The following PTPRK variants were observed in gnomAD, a reference collection of about 807,000 sequenced individuals.
PTPRK encodes receptor-type tyrosine-protein phosphatase kappa.
Under a neutral mutation model 178.0 loss-of-function variants are expected in PTPRK, and 75 were observed. The observed-to-expected ratio is 0.42, with a 90% CI of 0.35 to 0.51. The LOEUF is 0.51. Ranked by LOEUF, PTPRK falls within the 20% of genes least tolerant of loss-of-function variation. The pLI is 0.02. For synonymous variants in PTPRK, 637 were observed against 620.6 expected (o/e 1.03, Z -0.39); for missense variants, 1,441 against 1,797.8 (o/e 0.80, Z 3.59).
intron 3 of PTPRK, among the ~76,000 whole-genome samples, chr6:128,299,385 T>C (rs1484014147): frequency 6.6e-6 from 1 of 151,902 alleles, no homozygotes; most frequent in South Asian, 2.1e-4. Flanking sequence ...AAAGTTCATA[T>C]GGAATCAAAA....
chr6:128,396,795 C>A (rs543004327), intron 2 of PTPRK, among the ~76,000 whole-genome samples: 5 of 151,978 alleles, frequency 3.3e-5, no homozygotes, highest in Non-Finnish European at 5.9e-5. Context: ...GTCAGGAGTT[C>A]GAGACCAGCC....
At position 128,322,291 on chromosome 6, in the gene PTPRK, G is replaced by T; in HGVS notation, c.243C>A (p.Asp81Glu). The T allele has an allele frequency of 6.3e-7, 1 of 1,590,544 alleles. No homozygotes were observed. Among genetic ancestry groups the T allele is most frequent in the Non-Finnish European group, 8.6e-7 (1 of 1,158,872 alleles). ...EMPQGSYMIV[D>E]SSDHDPGEKA... Reference sequence around the variant, plus strand: ...TTTCTCCAGGGTCGTGATCTGAAGAGTCCACTATCATATAGGAACCTGAAA... The same window carrying T: ...TTTCTCCAGGGTCGTGATCTGAAGATTCCACTATCATATAGGAACCTGAAA... Residue 81 changes from aspartate to glutamate, a missense_variant, in exon 3 of 30, where the codon GAC becomes GAA. Transcript: ENST00000368226.
intron 7 of PTPRK, among the ~76,000 whole-genome samples, chr6:128,180,901 T>G (rs960925347): frequency 1.3e-5 from 2 of 152,066 alleles, no homozygotes; most frequent in Non-Finnish European, 2.9e-5. Context: ...ATGATAGGAA[T>G]AAGAGGAATA....
Position 128,182,466 on chromosome 6 carries a change from C to T in PTPRK, c.1162+1966G>A, listed in dbSNP as rs139014220. On this transcript the variant is annotated intron_variant, in intron 7 of 29. Transcript: ENST00000368226. ...GCGCATGCCTGTAATCCCAGCTACT[C>T]GGGAAGTTGAGACAGGAGAATTGCT... 3.5e-3 allele frequency among the ~76,000 whole-genome samples: 528 copies of T among 152,072 alleles called. 4 individuals are homozygous for T. The highest frequency in any genetic ancestry group is 0.012 in the African/African-American group (513 of 41,486).
intron 7 of PTPRK, among the ~76,000 whole-genome samples, chr6:128,125,383 G>T (rs1222307708): frequency 6.6e-6 from 1 of 151,932 alleles, no homozygotes; most frequent in Non-Finnish European, 1.5e-5. Flanking sequence ...CCCCCATCCT[G>T]CTCCTGCTCC....
intron 7 of PTPRK, among the ~76,000 whole-genome samples, chr6:128,109,756 T>C (rs1013968409): frequency 2.6e-5 from 4 of 152,292 alleles, no homozygotes; most frequent in African/African-American, 7.2e-5. Context: ...GTAACCTCTG[T>C]AGTAAAGCAA....
chr6:128,290,567 C>T (rs1159902449), intron 3 of PTPRK, among the ~76,000 whole-genome samples: 2 of 152,026 alleles, frequency 1.3e-5, no homozygotes, highest in South Asian at 2.1e-4. Flanking sequence ...AGAATACCTC[C>T]TCAGGCTTGG....
chr6:128,421,725 C>A (rs1263711271), intron 1 of PTPRK, among the ~76,000 whole-genome samples: 2 of 152,134 alleles, frequency 1.3e-5, no homozygotes, highest in Non-Finnish European at 2.9e-5. Flanking sequence ...GATCAGCATA[C>A]AAACAGCAGA....
At chr6:128,189,578 CAG>C (rs1172601350) in intron 6 of PTPRK, among the ~76,000 whole-genome samples, 2 of 152,024 alleles carry the variant, frequency 1.3e-5, no homozygotes, top group Non-Finnish European at 2.9e-5. Flanking sequence ...AAGGGAAAAA[CAG>C]AGATGATGAA....
chr6:128,157,804 CTGTT>C (rs1452031214), intron 7 of PTPRK, among the ~76,000 whole-genome samples: 2 of 151,824 alleles, frequency 1.3e-5, no homozygotes, highest in African/African-American at 4.8e-5. Context: ...TCTTGTAAAT[CTGTT>C]TAAGTTCTTT....
intron 1 of PTPRK, among the ~76,000 whole-genome samples, chr6:128,411,066 A>G (rs1842256772): frequency 1.3e-5 from 2 of 151,900 alleles, no homozygotes; most frequent in South Asian, 4.1e-4. Context: ...TAATTTTTGT[A>G]TTTTTTTGTA....
At chr6:128,481,309 T>A (rs757447446) in intron 1 of PTPRK, among the ~76,000 whole-genome samples, 5 of 152,192 alleles carry the variant, frequency 3.3e-5, no homozygotes, top group Non-Finnish European at 1.5e-5. Context: ...ATTGCCAAGA[T>A]TTAGAATATG....
intron 1 of PTPRK, among the ~76,000 whole-genome samples, chr6:128,433,973 T>C (rs1316914740): frequency 2.0e-5 from 3 of 151,696 alleles, no homozygotes; most frequent in African/African-American, 2.4e-5. Flanking sequence ...GATTTTGTAT[T>C]AAATCACCCC....
At chr6:128,299,943 A>G (rs1825274244) in intron 3 of PTPRK, among the ~76,000 whole-genome samples, 2 of 152,116 alleles carry the variant, frequency 1.3e-5, no homozygotes, top group South Asian at 2.1e-4. Context: ...GCAACCTACA[A>G]AATGGGAGAA....
At chr6:128,427,986 G>A (rs930064345) in intron 1 of PTPRK, among the ~76,000 whole-genome samples, 74 of 152,146 alleles carry the variant, frequency 4.9e-4, no homozygotes, top group African/African-American at 1.7e-3. Flanking sequence ...CCAGCTACTT[G>A]GGAGGCTGAG....
chr6:128,252,899 CAG>C (rs1816701516), intron 3 of PTPRK, among the ~76,000 whole-genome samples: 1 of 152,196 alleles, frequency 6.6e-6, no homozygotes, highest in Non-Finnish European at 1.5e-5. Flanking sequence ...GCTACAAAAA[CAG>C]TACCACAAAC....
At chr6:128,312,214 C>A (rs1364441061) in intron 3 of PTPRK, among the ~76,000 whole-genome samples, 1 of 152,168 alleles carries the variant, frequency 6.6e-6, no homozygotes, top group African/African-American at 2.4e-5. Context: ...GTCTTTTGAC[C>A]TACATGCAAA....
chr6:128,089,859 G>T lies in PTPRK; in HGVS notation c.1296C>A (p.Phe432Leu). 4.3e-6 allele frequency: 7 copies of T among 1,614,110 alleles called. No homozygotes were observed. Among genetic ancestry groups the T allele is most frequent in the Non-Finnish European group, 5.9e-6 (7 of 1,179,980 alleles). ...TFNVTICYHY[F>L]RGHNESKADC... Reference sequence around the variant, plus strand: ...CTGCCTTGCTCTCGTTGTGACCACGGAAGTAATGGTAGCAGATAGTGACAT... The same window carrying T: ...CTGCCTTGCTCTCGTTGTGACCACGTAAGTAATGGTAGCAGATAGTGACAT... Residue 432 changes from phenylalanine to leucine, a missense_variant, in exon 8 of 30, where the codon TTC (phenylalanine) becomes TTA (leucine). By Grantham distance (22) the Phe-to-Leu change is conservative (BLOSUM62 0). Coordinates refer to ENST00000368226, the MANE Select transcript of PTPRK (RefSeq NM_002844.4).
At chr6:128,354,229 A>ATTTTTTTTTTT (rs1201996929) in intron 2 of PTPRK, among the ~76,000 whole-genome samples, 2 of 27,746 alleles carry the variant, frequency 7.2e-5, no homozygotes, top group African/African-American at 1.1e-4. Flanking sequence ...TTTTTTGTTT[A>ATTTTTTTTTTT]TGTTTTTTTT....
Sources: gnomAD v4.1 joint callset for allele counts (sites outside exome capture counted in the v4.1 genomes callset) on GRCh38, gnomAD v4.1.1 for gene constraint, MANE v1.5 for transcripts, NCBI Gene and HGNC (gene_info 2026-07-23, HGNC 2026-07-21) for gene names.